GALNT13: variants seen among roughly 807,000 people sequenced by gnomAD.
The protein encoded by GALNT13 is UDP-GalNAc:polypeptide N-acetylgalactosaminyltransferase 13.
Under a neutral mutation model 64.2 loss-of-function variants are expected in GALNT13, and 28 were observed. The ratio of observed to expected loss-of-function variants is 0.44; its 90% CI spans 0.32 to 0.60. The LOEUF is 0.60. Ranked by LOEUF, GALNT13 falls within the 20% of genes least tolerant of loss-of-function variation. The pLI is 0.05. For synonymous variants in GALNT13, 214 were observed against 224.6 expected, an observed-to-expected ratio of 0.95 and a Z score of 0.42; for missense variants, 577 against 669.8, an observed-to-expected ratio of 0.86 and a Z score of 1.53.
the GALNT13 span, among the ~76,000 whole-genome samples, chr2:153,849,013 C>T: frequency 6.6e-6 from 1 of 151,720 alleles, no homozygotes; most frequent in Non-Finnish European, 1.5e-5. Context: ...ACAGATCAAC[C>T]TCTCTTATTA....
the GALNT13 span, among the ~76,000 whole-genome samples, chr2:153,614,542 T>G: frequency 6.6e-6 from 1 of 152,082 alleles, no homozygotes; most frequent in Non-Finnish European, 1.5e-5. Context: ...GCTTCCTATC[T>G]TCAGCTGAGC....
upstream of GALNT13, among the ~76,000 whole-genome samples, chr2:153,870,840 A>G (rs968949025): frequency 1.3e-5 from 2 of 151,702 alleles, no homozygotes; most frequent in African/African-American, 4.8e-5. Flanking sequence ...ACATCCTATA[A>G]GATGTGTGAA....
intron 8 of GALNT13, among the ~76,000 whole-genome samples, chr2:154,271,235 G>A (rs963060260): frequency 6.6e-6 from 1 of 151,904 alleles, no homozygotes; most frequent in African/African-American, 2.4e-5. Context: ...GATACAAATT[G>A]TCTAGATATT....
chr2:153,833,421 T>C, the GALNT13 span, among the ~76,000 whole-genome samples: 1 of 152,252 alleles, frequency 6.6e-6, no homozygotes, highest in African/African-American at 2.4e-5. Context: ...ATGAAAGTTC[T>C]AGACTTAATA....
the GALNT13 span, among the ~76,000 whole-genome samples, chr2:153,286,093 A>T: frequency 5.9e-5 from 9 of 152,250 alleles, no homozygotes; most frequent in African/African-American, 2.2e-4. Context: ...GAACCTATAC[A>T]AAAAAACATT....
intron 3 of GALNT13, among the ~76,000 whole-genome samples, chr2:153,945,046 GT>G (rs1691618742): frequency 6.6e-6 from 1 of 152,136 alleles, no homozygotes; most frequent in Admixed American, 6.6e-5. Context: ...CAAACGAACT[GT>G]GCATGAATGA....
At chr2:154,316,987 C>G (rs923330988) in intron 9 of GALNT13, among the ~76,000 whole-genome samples, 1 of 152,040 alleles carries the variant, frequency 6.6e-6, no homozygotes, top group African/African-American at 2.4e-5. Flanking sequence ...CCAAGGCAGG[C>G]AGATCACTTG....
intron 8 of GALNT13, among the ~76,000 whole-genome samples, chr2:154,262,454 T>C (rs1464767560): frequency 1.3e-5 from 2 of 152,186 alleles, no homozygotes; most frequent in Admixed American, 1.3e-4. Flanking sequence ...TAATACACAT[T>C]CAATAGCAGT....
At chr2:153,136,138 GA>G in the GALNT13 span, among the ~76,000 whole-genome samples, 3 of 152,134 alleles carry the variant, frequency 2.0e-5, no homozygotes, top group Admixed American at 2.0e-4. Context: ...ACTTTTTCAG[GA>G]GATATTTGAG....
the GALNT13 span, among the ~76,000 whole-genome samples, chr2:153,792,725 A>AT: frequency 6.6e-6 from 1 of 152,112 alleles, no homozygotes; most frequent in Non-Finnish European, 1.5e-5. Flanking sequence ...TGATTTTCCT[A>AT]TATCATAGAA....
chr2:153,535,946 A>G, the GALNT13 span, among the ~76,000 whole-genome samples: 1 of 152,158 alleles, frequency 6.6e-6, no homozygotes, highest in African/African-American at 2.4e-5. Context: ...CCCTTTAGGA[A>G]AGGACTCTAC....
the GALNT13 span, among the ~76,000 whole-genome samples, chr2:153,366,948 C>T: frequency 6.6e-6 from 1 of 151,568 alleles, no homozygotes; most frequent in Admixed American, 6.6e-5. Flanking sequence ...TTAAAACAAA[C>T]CCCTACCAAA....
chr2:153,834,702 A>G, the GALNT13 span, among the ~76,000 whole-genome samples: 2 of 152,092 alleles, frequency 1.3e-5, no homozygotes, highest in African/African-American at 4.8e-5. Context: ...ACCATTTACA[A>G]CTTCTATAGT....
At chr2:154,254,285 T>C (rs1232963743) in intron 7 of GALNT13, among the ~76,000 whole-genome samples, 1 of 152,148 alleles carries the variant, frequency 6.6e-6, no homozygotes, top group Non-Finnish European at 1.5e-5. Context: ...GGTAGCCCCA[T>C]TGTTTATTTT....
the GALNT13 span, among the ~76,000 whole-genome samples, chr2:153,770,627 A>C: frequency 6.6e-6 from 1 of 152,228 alleles, no homozygotes; most frequent in African/African-American, 2.4e-5. Context: ...ATTCATTTGC[A>C]TCAAGGATCA....
At chr2:153,254,836 G>T in the GALNT13 span, among the ~76,000 whole-genome samples, 1 of 152,174 alleles carries the variant, frequency 6.6e-6, no homozygotes, top group Non-Finnish European at 1.5e-5. Flanking sequence ...CTGAGAGACA[G>T]TTTGTTATAA....
chr2:153,252,958 T>C, the GALNT13 span, among the ~76,000 whole-genome samples: 1 of 152,006 alleles, frequency 6.6e-6, no homozygotes, highest in East Asian at 1.9e-4. Context: ...TGCAGGCTCT[T>C]TTTTGGTTCC....
the GALNT13 span, among the ~76,000 whole-genome samples, chr2:153,732,400 A>G: frequency 1.3e-5 from 2 of 151,990 alleles, no homozygotes; most frequent in Non-Finnish European, 2.9e-5. Context: ...ACAGAACATT[A>G]TATATTATAA....
chr2:153,934,819 C>G (rs1019756862), intron 2 of GALNT13, among the ~76,000 whole-genome samples: 7 of 152,094 alleles, frequency 4.6e-5, no homozygotes, highest in African/African-American at 1.4e-4. Context: ...ACTGCAAACA[C>G]AGTTATGAAA....
Sources: allele counts gnomAD v4.1 joint callset (sites outside exome capture counted in the v4.1 genomes callset), GRCh38; gene constraint gnomAD v4.1.1; transcripts MANE v1.5; gene names NCBI Gene and HGNC (gene_info 2026-07-23, HGNC 2026-07-21).